The following JPH1 variants were observed in gnomAD, a reference collection of about 807,000 sequenced individuals.
JPH1 encodes the protein junctophilin-1.
In JPH1, 12 loss-of-function variants were observed where a neutral mutation model predicts 53.6. The observed-to-expected ratio is 0.22, with a 90% CI of 0.14 to 0.36. The LOEUF (loss-of-function observed/expected upper bound fraction) is 0.36, where lower values mean the gene tolerates loss of function less well. Ranked by LOEUF, JPH1 falls within the 10% of genes least tolerant of loss-of-function variation. The pLI, the probability that JPH1 is intolerant of heterozygous loss-of-function variation, is 1.00. For missense variants in JPH1, 808 were observed against 905.5 expected, an observed-to-expected ratio of 0.89 and a Z score of 1.38; for synonymous variants, 375 against 363.8, an observed-to-expected ratio of 1.03 and a Z score of -0.35.
intron 2 of JPH1, among the ~76,000 whole-genome samples, chr8:74,278,762 T>C (rs547834846): frequency 4.6e-5 from 7 of 152,188 alleles, no homozygotes; most frequent in Non-Finnish European, 7.4e-5. Flanking sequence ...GACAGAGAAA[T>C]AGGACAGCAG....
intron 2 of JPH1, among the ~76,000 whole-genome samples, chr8:74,261,382 T>G (rs1806391757): frequency 6.6e-6 from 1 of 152,154 alleles, no homozygotes; most frequent in Non-Finnish European, 1.5e-5. Context: ...CCTGTTCAAT[T>G]TTTCTGATAA....
intron 2 of JPH1, among the ~76,000 whole-genome samples, chr8:74,276,536 A>G (rs4371996): frequency 0.36 from 54,592 of 152,188 alleles, 10,350 homozygotes; most frequent in African/African-American, 0.47. Context: ...AGTCAATCAA[A>G]TAAGTATTGA....
chr8:74,282,306 A>G (rs1423386621), intron 2 of JPH1, among the ~76,000 whole-genome samples: 2 of 152,176 alleles, frequency 1.3e-5, no homozygotes, highest in African/African-American at 4.8e-5. Context: ...AGTTTTCCCT[A>G]TCAAAGACCC....
intron 2 of JPH1, among the ~76,000 whole-genome samples, chr8:74,314,245 A>G (rs1808074645): frequency 6.6e-6 from 1 of 152,100 alleles, no homozygotes; most frequent in African/African-American, 2.4e-5. Context: ...TGCCTTTCCC[A>G]TGTAGCTGTT....
chr8:74,307,963 G>A (rs1051279500), intron 2 of JPH1, among the ~76,000 whole-genome samples: 5 of 152,012 alleles, frequency 3.3e-5, no homozygotes, highest in African/African-American at 1.2e-4. Context: ...GTTGACTTTG[G>A]GTTTTAATTA....
At chr8:74,319,525 T>C (rs1016170409) in intron 1 of JPH1, among the ~76,000 whole-genome samples, 9 of 152,224 alleles carry the variant, frequency 5.9e-5, no homozygotes, top group Admixed American at 4.6e-4. Context: ...AACGTTTTTT[T>C]CTTTTAATCC....
At position 74,252,856 on chromosome 8, in the gene JPH1, T is replaced by C. The variant is rs1806105941; in HGVS notation, c.1258+6529A>G. 2.0e-5 allele frequency among the ~76,000 whole-genome samples: 3 copies of C among 152,018 alleles called. 1 individual carries two copies. Among genetic ancestry groups the C allele is most frequent in the Non-Finnish European group, 2.9e-5 (2 of 68,028 alleles). ...AGAAGAACTAACTATCCTAAATATA[T>C]ATGCACCCAATACAGGAGCACCCAG... On this transcript the variant is annotated intron_variant, in intron 3 of 5. Coordinates refer to ENST00000342232, the MANE Select transcript of JPH1 (RefSeq NM_020647.4).
chr8:74,302,416 T>G (rs1443952162), intron 2 of JPH1, among the ~76,000 whole-genome samples: 2 of 152,254 alleles, frequency 1.3e-5, no homozygotes, highest in African/African-American at 4.8e-5. Flanking sequence ...AATAATTTTT[T>G]AAACTTTTTA....
intron 3 of JPH1, among the ~76,000 whole-genome samples, chr8:74,258,096 C>A (rs564619843): frequency 6.6e-6 from 1 of 152,124 alleles, no homozygotes; most frequent in Non-Finnish European, 1.5e-5. Context: ...CTCAGTGATA[C>A]CCTGTGGGTT....
chr8:74,283,031 C>G (rs1563410203), intron 2 of JPH1, among the ~76,000 whole-genome samples: 1 of 152,022 alleles, frequency 6.6e-6, no homozygotes, highest in East Asian at 1.9e-4. Context: ...TTTTAAAACA[C>G]AGTTAAACAG....
At chr8:74,274,829 A>C (rs1363654976) in intron 2 of JPH1, among the ~76,000 whole-genome samples, 4 of 152,182 alleles carry the variant, frequency 2.6e-5, no homozygotes, top group African/African-American at 9.7e-5. Flanking sequence ...ACTTTTGCCT[A>C]AAGACCTAAC....
intron 3 of JPH1, among the ~76,000 whole-genome samples, chr8:74,250,311 T>C (rs1806005297): frequency 6.6e-6 from 1 of 152,086 alleles, no homozygotes; most frequent in South Asian, 2.1e-4. Flanking sequence ...TTTTGTATTT[T>C]TAGTGGAGAT....
chr8:74,242,807 A>G (rs745345664), intron 4 of JPH1, among the ~76,000 whole-genome samples: 2 of 152,236 alleles, frequency 1.3e-5, no homozygotes, highest in African/African-American at 4.8e-5. Flanking sequence ...CTAAGGACCA[A>G]CTACTGAGAT....
chr8:74,319,845 T>G (rs1359621326), intron 1 of JPH1, among the ~76,000 whole-genome samples: 1 of 152,234 alleles, frequency 6.6e-6, no homozygotes, highest in Non-Finnish European at 1.5e-5. Context: ...TGCTAAAGCA[T>G]AAGCTATTCA....
At chr8:74,303,698 C>A (rs1000979497) in intron 2 of JPH1, among the ~76,000 whole-genome samples, 4 of 152,130 alleles carry the variant, frequency 2.6e-5, no homozygotes, top group African/African-American at 9.7e-5. Flanking sequence ...ATCCTCCTGC[C>A]TCAGCCTCCC....
chr8:74,310,540 T>C (rs1251272267), intron 2 of JPH1, among the ~76,000 whole-genome samples: 3 of 152,164 alleles, frequency 2.0e-5, no homozygotes, highest in Non-Finnish European at 4.4e-5. Context: ...CTATCTACTG[T>C]TATGTCATCC....
intron 3 of JPH1, among the ~76,000 whole-genome samples, chr8:74,251,922 T>C (rs111405444): frequency 0.01 from 1,579 of 152,184 alleles, 26 homozygotes; most frequent in African/African-American, 0.036. Context: ...CTTCAAACTA[T>C]ACTACAAGGC....
chr8:74,260,007 C>T (rs1034682342), intron 2 of JPH1, among the ~76,000 whole-genome samples: 2 of 152,120 alleles, frequency 1.3e-5, no homozygotes, highest in Non-Finnish European at 2.9e-5. Flanking sequence ...TTATTCATAT[C>T]CATGTGTAAA....
At chr8:74,276,924 G>C (rs892926025) in intron 2 of JPH1, among the ~76,000 whole-genome samples, 2 of 152,148 alleles carry the variant, frequency 1.3e-5, no homozygotes, top group East Asian at 3.8e-4. Flanking sequence ...CCTTTTAAGA[G>C]ATGAAGTTTT....
Sources: gnomAD v4.1 joint callset for allele counts (sites outside exome capture counted in the v4.1 genomes callset) on GRCh38, gnomAD v4.1.1 for gene constraint, MANE v1.5 for transcripts, NCBI Gene and HGNC (gene_info 2026-07-23, HGNC 2026-07-21) for gene names.